Variants in RTN4 observed in about 807,000 individuals in gnomAD.
RTN4 encodes the protein reticulon 4, also known as reticulon-4.
A neutral mutation model predicts 90.4 loss-of-function variants in RTN4; 32 were observed. That is an observed-to-expected ratio of 0.35 (90% CI 0.27 to 0.48). The LOEUF (loss-of-function observed/expected upper bound fraction) is 0.48, where lower values mean the gene tolerates loss of function less well. Ranked by LOEUF, RTN4 falls within the 20% of genes least tolerant of loss-of-function variation. RTN4 has a pLI of 0.99. For missense variants in RTN4, 1,706 were observed against 1,430.2 expected (o/e 1.19, Z -3.11); for synonymous variants, 629 against 552.5 (o/e 1.14, Z -1.94).
chr2:55,007,453 T>C (rs1680311137), intron 3 of RTN4, among the ~76,000 whole-genome samples: 1 of 152,300 alleles, frequency 6.6e-6, no homozygotes, highest in African/African-American at 2.4e-5. Flanking sequence ...CAATGTCTTC[T>C]GCGGTCTGGC....
Position 55,025,208 on chromosome 2 carries a change from A to C in RTN4, c.2891T>G (p.Ile964Arg), listed in dbSNP as rs764933644. ...AACTTTGGGTTTAACTATGCTCTCT[A>C]TCTCTGCTTGAGTGGCCAAAGCAGA... ...DVSALATQAE[I>R]ESIVKPKVLV... The change falls in exon 3 of 9, where the codon ATA (isoleucine) becomes AGA (arginine). Residue 964 changes from isoleucine to arginine, a missense_variant. Ile to Arg is a moderately conservative substitution (Grantham distance 97, BLOSUM62 -3). Coordinates refer to ENST00000337526, the MANE Select transcript of RTN4 (RefSeq NM_020532.5). The C allele has an allele frequency of 6.2e-6, 10 of 1,613,754 alleles. No homozygotes were observed. The highest frequency in any genetic ancestry group is 1.7e-5 in the Admixed American group (1 of 59,938).
At chr2:55,113,831 T>C (rs1046329736), upstream of RTN4, among the ~76,000 whole-genome samples, 6 of 152,294 alleles carry the variant, frequency 3.9e-5, no homozygotes, top group South Asian at 2.1e-4. Flanking sequence ...ACCTGTCTAA[T>C]AGTCTGGTGC....
intron 1 of RTN4, among the ~76,000 whole-genome samples, chr2:55,041,378 G>A (rs1056096593): frequency 2.0e-5 from 3 of 151,972 alleles, no homozygotes; most frequent in Admixed American, 6.6e-5. Context: ...CCAACAGAGG[G>A]AGAGGGGACA....
upstream of RTN4, chr2:55,050,480 T>A: frequency 2.4e-6 from 1 of 414,392 alleles, no homozygotes; most frequent in Non-Finnish European, 4.2e-6. The surrounding 1 kb of genome is among the most constrained non-coding windows in gnomAD (Gnocchi z 4.6). Flanking sequence ...TCCGCGCCGG[T>A]GATGCGCCAC....
chr2:55,091,971 C>G (rs1275951445), intron 1 of RTN4, among the ~76,000 whole-genome samples: 3 of 152,130 alleles, frequency 2.0e-5, no homozygotes, highest in African/African-American at 4.8e-5. Context: ...CCCCTGGGTC[C>G]CTCCCACAAC....
At chr2:55,021,590 T>C (rs1437386830) in intron 3 of RTN4, among the ~76,000 whole-genome samples, 1 of 152,104 alleles carries the variant, frequency 6.6e-6, no homozygotes, top group African/African-American at 2.4e-5. Context: ...CCCTGAAAGC[T>C]GGGATTACAG....
At chr2:55,014,271 TAACA>T (rs1338573195) in intron 3 of RTN4, 4 of 152,022 alleles carry the variant, frequency 2.6e-5, no homozygotes, top group Non-Finnish European at 2.9e-5. Context: ...ATAAAAAATT[TAACA>T]TAAGGTACCA....
chr2:54,985,185 A>G, intron 4 of RTN4, among the ~76,000 whole-genome samples: 1 of 94,650 alleles, frequency 1.1e-5, no homozygotes, highest in Admixed American at 1.4e-4. Context: ...TTTTTGAAAG[A>G]GTCTCGTTCT....
At chr2:55,132,502 C>CAAA in the RTN4 span, among the ~76,000 whole-genome samples, 2 of 142,868 alleles carry the variant, frequency 1.4e-5, no homozygotes, top group Non-Finnish European at 3.0e-5. Flanking sequence ...GACTCTGTCT[C>CAAA]AAAAAAAAAA....
In RTN4 at chr2:55,025,742, T is replaced by A. The variant is rs201417469; in HGVS notation, c.2357A>T (p.Glu786Val). ...FESMIEYENK[E>V]KLSALPPEGG... ...CTCAGGTGGCAAAGCACTGAGTTTT[T>A]CCTTATTTTCATATTCTATCATTGA... Residue 786 changes from glutamate to valine, a missense_variant, in exon 3 of 9, where the codon GAA (glutamate) becomes GTA (valine). By Grantham distance (121) the Glu-to-Val change is moderately radical (BLOSUM62 -2). Transcript: ENST00000337526. The A allele has an allele frequency of 2.5e-6, 4 of 1,613,610 alleles. No homozygotes were observed. In the Admixed American group the frequency reaches 5.0e-5, roughly 20 times the overall value.
chr2:55,119,670 CA>C, the RTN4 span, among the ~76,000 whole-genome samples: 5 of 152,056 alleles, frequency 3.3e-5, no homozygotes, highest in Non-Finnish European at 7.4e-5. Flanking sequence ...TTACAGGGGG[CA>C]AAAAAGCAAA....
intron 1 of RTN4, among the ~76,000 whole-genome samples, chr2:55,107,935 T>C (rs1190333805): frequency 2.0e-5 from 3 of 152,082 alleles, no homozygotes; most frequent in African/African-American, 4.8e-5. Flanking sequence ...AAAACACACG[T>C]TTCCCATCCT....
intron 3 of RTN4, among the ~76,000 whole-genome samples, chr2:54,991,006 T>C (rs1326667096): frequency 1.3e-5 from 2 of 151,998 alleles, no homozygotes; most frequent in East Asian, 3.9e-4. Context: ...ATGGTCTCGA[T>C]CTGCTGACCT....
chr2:55,021,395 C>A (rs964531092), intron 3 of RTN4, among the ~76,000 whole-genome samples: 2 of 110,960 alleles, frequency 1.8e-5, no homozygotes, highest in African/African-American at 5.2e-5. Flanking sequence ...TTCCCTGCCC[C>A]CCCCGCCAAA....
intron 1 of RTN4, among the ~76,000 whole-genome samples, chr2:55,041,429 A>C (rs1683067178): frequency 1.3e-5 from 2 of 152,112 alleles, no homozygotes; most frequent in Admixed American, 1.3e-4. Context: ...AATTATACAC[A>C]CATAAGATAG....
chr2:54,990,423 C>T (rs1678910675), intron 3 of RTN4, among the ~76,000 whole-genome samples: 1 of 152,120 alleles, frequency 6.6e-6, no homozygotes, highest in East Asian at 1.9e-4. Context: ...GGAATGATCT[C>T]ATTGAGATGT....
chr2:55,036,969 T>C (rs972783486), intron 1 of RTN4, among the ~76,000 whole-genome samples: 2 of 152,214 alleles, frequency 1.3e-5, no homozygotes. Context: ...ACAACAGGAC[T>C]GTATAGTTGG....
At chr2:54,981,783 A>G (rs1409450591) in intron 5 of RTN4, among the ~76,000 whole-genome samples, 3 of 96,758 alleles carry the variant, frequency 3.1e-5, no homozygotes, top group African/African-American at 1.3e-4. Context: ...CTAGAATAAG[A>G]AAGAGTCCAA....
At chr2:54,999,506 A>G (rs1232516872) in intron 3 of RTN4, among the ~76,000 whole-genome samples, 1 of 152,198 alleles carries the variant, frequency 6.6e-6, no homozygotes, top group Non-Finnish European at 1.5e-5. Flanking sequence ...GTTCCTAAAA[A>G]TACTAGGACA....
Sources: gnomAD v4.1 joint callset for allele counts (sites outside exome capture counted in the v4.1 genomes callset) on GRCh38, gnomAD v4.1.1 for gene constraint, Gnocchi (gnomAD v3.1) non-coding constraint, MANE v1.5 for transcripts, NCBI Gene and HGNC (gene_info 2026-07-23, HGNC 2026-07-21) for gene names.